The following ADARB2 variants were observed in gnomAD, a reference collection of about 807,000 sequenced individuals.
ADARB2 encodes the protein inactive double-stranded RNA-specific editase B2.
Under a neutral mutation model 62.2 loss-of-function variants are expected in ADARB2, and 25 were observed. The observed-to-expected ratio is 0.40, with a 90% CI of 0.29 to 0.56. The LOEUF is 0.56. ADARB2 is among the 20% of genes least tolerant of loss of function. The pLI, the probability that ADARB2 is intolerant of heterozygous loss-of-function variation, is 0.43. For synonymous variants in ADARB2, 572 were observed against 500.8 expected, an observed-to-expected ratio of 1.14 and a Z score of -1.90; for missense variants, 1,071 against 1,077.4, an observed-to-expected ratio of 0.99 and a Z score of 0.08.
intron 7 of ADARB2, 137 bp from the exon 8 acceptor site, chr10:1,200,284 G>A (rs1836968637): frequency 1.7e-6 from 2 of 1,148,506 alleles, no homozygotes; most frequent in Non-Finnish European, 2.6e-6. Flanking sequence ...CCCTGGGAGT[G>A]CCCCAGACCC....
intron 1 of ADARB2, among the ~76,000 whole-genome samples, chr10:1,417,452 A>G (rs934052832): frequency 1.3e-5 from 2 of 152,156 alleles, no homozygotes; most frequent in Non-Finnish European, 2.9e-5. Flanking sequence ...GCCCTGCATT[A>G]ATTATCTTAC....
intron 4 of ADARB2, among the ~76,000 whole-genome samples, chr10:1,247,534 A>C (rs1298126995): frequency 6.6e-6 from 1 of 152,110 alleles, no homozygotes; most frequent in Admixed American, 6.5e-5. Context: ...TTTGGGGCTG[A>C]CCGATTTAAT....
At chr10:1,211,309 A>C (rs1165351505) in intron 7 of ADARB2, among the ~76,000 whole-genome samples, 1 of 133,554 alleles carries the variant, frequency 7.5e-6, no homozygotes, top group African/African-American at 2.6e-5. Context: ...ATCATCTGTC[A>C]TCTTCATCTA....
At chr10:1,566,093 A>C (rs10903489) in intron 1 of ADARB2, among the ~76,000 whole-genome samples, 87,616 of 126,520 alleles carry the variant, frequency 0.69, 31,748 homozygotes, top group South Asian at 0.83. Flanking sequence ...AAAAAAAAAA[A>C]AAAAAAAAAA....
chr10:1,245,335 CTT>C (rs1168497337), intron 4 of ADARB2, among the ~76,000 whole-genome samples: 44 of 152,084 alleles, frequency 2.9e-4, no homozygotes. Context: ...TTTGTTTTTT[CTT>C]TTTCTTTTTT....
intron 1 of ADARB2, among the ~76,000 whole-genome samples, chr10:1,707,459 C>T (rs930060938): frequency 1.3e-5 from 2 of 152,258 alleles, no homozygotes; most frequent in African/African-American, 4.8e-5. Context: ...CAGGCATTTT[C>T]TCCACATTGT....
intron 4 of ADARB2, among the ~76,000 whole-genome samples, chr10:1,256,380 G>T (rs563237969): frequency 3.3e-5 from 5 of 152,314 alleles, no homozygotes; most frequent in African/African-American, 1.2e-4. Context: ...CTGCAGCAGC[G>T]GGTGGGATGA....
At chr10:1,524,267 C>A (rs1237801545) in intron 1 of ADARB2, among the ~76,000 whole-genome samples, 2 of 152,164 alleles carry the variant, frequency 1.3e-5, no homozygotes, top group African/African-American at 4.8e-5. Context: ...GACTACTAAG[C>A]CTCACAGGTG....
At position 1,473,669 on chromosome 10, in the gene ADARB2, A is replaced by G. The variant is rs932254399; in HGVS notation, c.101-94509T>C. ...AGTGTTGGGATTACAGGCATGAGCT[A>G]CTGCACCTGGCCTCGGATCTGCATT... On this transcript the variant is annotated intron_variant, in intron 1 of 9. Transcript: ENST00000381312. Among the ~76,000 whole-genome samples the G allele has an allele frequency of 2.0e-5, 3 of 152,182 alleles. 1 individual carries two copies. In the South Asian group the frequency reaches 6.2e-4, roughly 32 times the overall value.
chr10:1,588,541 G>A (rs767436741), intron 1 of ADARB2, among the ~76,000 whole-genome samples: 12 of 152,148 alleles, frequency 7.9e-5, no homozygotes, highest in Non-Finnish European at 1.5e-4. Flanking sequence ...ACAATCAAAC[G>A]CAGAAAGATG....
At chr10:1,544,956 TACACAC>T (rs1554770300) in intron 1 of ADARB2, among the ~76,000 whole-genome samples, 1 of 133,848 alleles carries the variant, frequency 7.5e-6, no homozygotes, top group Non-Finnish European at 1.6e-5. Context: ...TAGCAAAGTA[TACACAC>T]ACACACACAC....
At chr10:1,640,213 GA>G (rs1426877353) in intron 1 of ADARB2, among the ~76,000 whole-genome samples, 1 of 152,194 alleles carries the variant, frequency 6.6e-6, no homozygotes, top group Non-Finnish European at 1.5e-5. Flanking sequence ...ATTCAGTTTA[GA>G]AGTCTCGTTT....
intron 5 of ADARB2, among the ~76,000 whole-genome samples, chr10:1,240,862 C>T (rs557206196): frequency 6.0e-4 from 92 of 152,338 alleles, no homozygotes; most frequent in Non-Finnish European, 4.9e-4. Context: ...TCCTTCCCTA[C>T]ATTCTGAGAT....
intron 1 of ADARB2, among the ~76,000 whole-genome samples, chr10:1,692,698 T>C (rs1169460176): frequency 6.6e-6 from 1 of 152,134 alleles, no homozygotes; most frequent in African/African-American, 2.4e-5. Flanking sequence ...GCTTGGCTCC[T>C]GAAGGGCTAC....
At chr10:1,271,620 A>G (rs1022535585) in intron 3 of ADARB2, among the ~76,000 whole-genome samples, 4 of 144,460 alleles carry the variant, frequency 2.8e-5, no homozygotes. Context: ...ACACACGAAT[A>G]TGCACACACA....
chr10:1,429,578 G>C (rs143934659), intron 1 of ADARB2, among the ~76,000 whole-genome samples: 14 of 152,170 alleles, frequency 9.2e-5, no homozygotes, highest in African/African-American at 3.4e-4. Context: ...CACACATGAA[G>C]CCTGTCTTTC....
chr10:1,481,102 T>C (rs1403342523), intron 1 of ADARB2, among the ~76,000 whole-genome samples: 2 of 152,208 alleles, frequency 1.3e-5, no homozygotes, highest in Non-Finnish European at 2.9e-5. Flanking sequence ...AACAGAGTGG[T>C]GTTAGCATAC....
At chr10:1,332,214 G>A (rs1296793917) in intron 3 of ADARB2, among the ~76,000 whole-genome samples, 2 of 152,172 alleles carry the variant, frequency 1.3e-5, no homozygotes, top group African/African-American at 2.4e-5. Context: ...GAGTGGCCTG[G>A]ACAACATAAT....
At chr10:1,317,327 A>G (rs1831748290) in intron 3 of ADARB2, among the ~76,000 whole-genome samples, 1 of 152,242 alleles carries the variant, frequency 6.6e-6, no homozygotes, top group Admixed American at 6.5e-5. Context: ...TATCACTTAC[A>G]TAATCAGGCA....
Sources: allele counts gnomAD v4.1 joint callset (sites outside exome capture counted in the v4.1 genomes callset), GRCh38; gene constraint gnomAD v4.1.1; transcripts MANE v1.5; gene names NCBI Gene and HGNC (gene_info 2026-07-23, HGNC 2026-07-21).